The following SCAMP3 variants were observed in gnomAD, a reference collection of about 807,000 sequenced individuals.
SCAMP3 encodes the protein secretory carrier membrane protein 3.
In SCAMP3, 30 loss-of-function variants were observed where a neutral mutation model predicts 44.1. That is an observed-to-expected ratio of 0.68 (90% confidence interval 0.51 to 0.92). The LOEUF (loss-of-function observed/expected upper bound fraction) is 0.92. Among genes scored for constraint, SCAMP3 ranks in the 40% least tolerant of loss-of-function variants. The pLI is 0.00. For missense variants in SCAMP3, 394 were observed against 440.0 expected (o/e 0.90, Z 0.93); for synonymous variants, 168 against 171.1 (o/e 0.98, Z 0.14).
chr1:155,259,844 A>G (rs1410985163), intron 4 of SCAMP3, among the ~76,000 whole-genome samples: 2 of 152,206 alleles, frequency 1.3e-5, no homozygotes, highest in African/African-American at 2.4e-5. Flanking sequence ...CATTTTATAA[A>G]TAGGGAAACT....
intron 4 of SCAMP3, among the ~76,000 whole-genome samples, chr1:155,259,181 T>C (rs1429125755): frequency 6.8e-6 from 1 of 147,970 alleles, no homozygotes; most frequent in East Asian, 2.0e-4. Flanking sequence ...TTTTTTTTTT[T>C]TTTTTCTCCT....
rs1572006929 is a variant in SCAMP3, at chr1:155,261,706, C to T, written c.95G>A (p.Ser32Asn). ...GACGTCAAGCGTGGCATACTGCCGG[C>T]TGGGTCGGTGCTGGATCACAGCTGG... is the stretch of plus-strand genomic sequence containing the variant. ...QDPAVIQHRP[S>N]RQYATLDVYN... Residue 32 changes from serine (S) to asparagine (N), a missense_variant, in exon 2 of 9, where the codon AGC becomes AAC. Ser to Asn is a conservative substitution (Grantham distance 46). Coordinates refer to ENST00000302631, the MANE Select transcript of SCAMP3 (RefSeq NM_005698.4). 1.2e-6 allele frequency: 2 copies of T among 1,614,126 alleles called. No individual in the cohort carries two copies. The highest frequency in any genetic ancestry group is 1.7e-6 in the Non-Finnish European group (2 of 1,180,042).
In SCAMP3 at chr1:155,260,624, T is replaced by C; in HGVS notation, c.180A>G (p.Pro60=). The C allele has an allele frequency of 7.4e-6, 12 of 1,613,732 alleles. No homozygotes were observed. The highest frequency in any genetic ancestry group is 1.0e-5 in the Non-Finnish European group (12 of 1,179,862). The change falls in exon 3 of 9, where the codon CCA becomes CCG. Residue 60 remains proline, a synonymous_variant. Coordinates refer to ENST00000302631, the MANE Select transcript of SCAMP3 (RefSeq NM_005698.4). ...PPAYEPPAPA[P]LPPPSAPSLQ... is the part of the protein sequence containing the mutation. ...AGGAGGGAGCTGAGGGTGGAGGCAA[T>C]GGGGCAGGGGCTGGAGGCTCATAGG...
At position 155,261,643 on chromosome 1, in the gene SCAMP3, C is replaced by T. The variant is rs755089871; in HGVS notation, c.144+14G>A. The stretch of plus-strand genomic sequence containing the variant: ...CTTCCCTTCCTTGAACTCCTATGCT[C>T]TCCAGTAGCTCACCTCCCGGGTCTC... On this transcript the variant is annotated intron_variant, in intron 2 of 8. Coordinates refer to ENST00000302631, the MANE Select transcript of SCAMP3 (RefSeq NM_005698.4). 1.1e-5 allele frequency: 17 copies of T among 1,611,630 alleles called. No homozygotes were observed. Among genetic ancestry groups the T allele is most frequent in the African/African-American group, 1.3e-5 (1 of 74,872 alleles).
chr1:155,258,000 A>G (rs1253213889), intron 5 of SCAMP3, among the ~76,000 whole-genome samples: 1 of 141,816 alleles, frequency 7.1e-6, no homozygotes, highest in Non-Finnish European at 1.5e-5. Flanking sequence ...GCCCGCCACC[A>G]CGCCCAGCTA....
chr1:155,260,721 C>T, intron 2 of SCAMP3, 62 bp from the exon 3 acceptor site: 1 of 1,430,830 alleles, frequency 7.0e-7, no homozygotes, highest in South Asian at 1.3e-5. Flanking sequence ...CTAGAGTCTG[C>T]TTGAATACCT....
intron 5 of SCAMP3, among the ~76,000 whole-genome samples, chr1:155,258,318 CTTTTTTTTTTTTTTT>C (rs71996352): frequency 5.9e-4 from 51 of 86,592 alleles, no homozygotes; most frequent in Non-Finnish European, 1.0e-3. Flanking sequence ...CGTGCCCGGC[CTTTTTTTTTTTTTTT>C]TTTTTTTTTT....
chr1:155,258,974 A>T lies in SCAMP3; in HGVS notation c.389-20T>A. On this transcript the variant is annotated intron_variant, in intron 4 of 8. Coordinates refer to ENST00000302631, the MANE Select transcript of SCAMP3 (RefSeq NM_005698.4). ...GTCGAGCTGTAAGGCACAAAAAAAC[A>T]GGTGGACCCCAGAAGTAAAACAGAG... 1.9e-6 allele frequency: 3 copies of T among 1,604,672 alleles called. No homozygotes were observed. The highest frequency in any genetic ancestry group is 2.6e-6 in the Non-Finnish European group (3 of 1,176,240).
At chr1:155,261,317 C>T in intron 2 of SCAMP3, 1 of 311,732 alleles carries the variant, frequency 3.2e-6, no homozygotes, top group Non-Finnish European at 6.1e-6. Context: ...TGTAGTCCTC[C>T]TCATTCCTTG....
In SCAMP3 at chr1:155,256,785, C is replaced by A. The variant is rs201613533; in HGVS notation, c.786G>T (p.Trp262Cys). The A allele has an allele frequency of 2.5e-6, 4 of 1,613,836 alleles. No individual in the cohort carries two copies. Among genetic ancestry groups the A allele is most frequent in the Non-Finnish European group, 3.4e-6 (4 of 1,179,714 alleles). The change falls in exon 8 of 9, where the codon TGG (tryptophan) becomes TGT (cysteine). Residue 262 changes from tryptophan to cysteine, a missense_variant. Physicochemically the swap from Trp to Cys is radical, Grantham distance 215. Transcript: ENST00000302631. ...CCTTCGGCACCACCAGAGCAGAGAT[C>A]CAGCCACTGTAAAGGGAAGGATGTA... ...IGIPGWGFSG[W>C]ISALVVPKGN...
chr1:155,257,415 G>A lies in SCAMP3; in HGVS notation c.678-29C>T, dbSNP rs767592942. ...CAAAGAGGAAAAAAATGGGGAGGGT[G>A]GGAGAAGAATTAGAGCTGAAGGATG... On this transcript the variant is annotated intron_variant, in intron 6 of 8. Coordinates refer to ENST00000302631, the MANE Select transcript of SCAMP3 (RefSeq NM_005698.4). 51 of 1,607,526 alleles carry A rather than the reference G, an allele frequency of 3.2e-5. No homozygotes were observed. The Admixed American group carries it at 8.3e-4, about 26-fold the overall frequency.
intron 4 of SCAMP3, 90 bp from the exon 5 acceptor site, chr1:155,259,044 CTCTTTTT>C: frequency 2.6e-6 from 2 of 759,648 alleles, no homozygotes; most frequent in Non-Finnish European, 3.8e-6. Context: ...CCTGGATCCT[CTCTTTTT>C]TTTTTTTTTT....
At chr1:155,258,093 A>G (rs559033067) in intron 5 of SCAMP3, among the ~76,000 whole-genome samples, 47 of 141,264 alleles carry the variant, frequency 3.3e-4, no homozygotes, top group African/African-American at 1.1e-3. Context: ...ATCTCGGCTC[A>G]CTGCAAGCTC....
rs1672991329 is a variant in SCAMP3, at chr1:155,262,306, C to T, written c.-155G>A. ...CACCGACCGGAAGGGCCACAAGGAT[C>T]CCCGCAGCAGCCGTGGGTTGCGCCT... On this transcript the variant is annotated 5_prime_UTR_variant, in exon 1 of 9. Transcript: ENST00000302631. 3.0e-6 allele frequency: 2 copies of T among 672,796 alleles called. No individual in the cohort carries two copies. The highest frequency in any genetic ancestry group is 1.8e-5 in the African/African-American group (1 of 55,080). The allele number at this position is 672,796 out of a possible 1,614,324, so 41.7% of individuals were successfully genotyped here. A position where few individuals can be genotyped will look rare whatever the true frequency, so the allele number is the denominator to read the frequency against.
chr1:155,258,986 G>A, intron 4 of SCAMP3, 32 bp from the exon 5 acceptor site: 1 of 1,577,160 alleles, frequency 6.3e-7, no homozygotes, highest in Admixed American at 1.8e-5. Flanking sequence ...GTGGACCCCA[G>A]AAGTAAAACA....
chr1:155,256,522 A>G (rs1048492184), intron 8 of SCAMP3, 103 bp from the exon 9 acceptor site: 3 of 1,414,762 alleles, frequency 2.1e-6, no homozygotes, highest in Non-Finnish European at 3.0e-6. Context: ...CCCAGCACAC[A>G]CACTCACACA....
chr1:155,258,275 T>TCCCAAA (rs1279794050), intron 5 of SCAMP3, among the ~76,000 whole-genome samples: 1 of 141,076 alleles, frequency 7.1e-6, no homozygotes, highest in Non-Finnish European at 1.5e-5. Flanking sequence ...CACCTGGGCC[T>TCCCAAA]CCCAAAGTGC....
intron 4 of SCAMP3, 51 bp from the exon 5 acceptor site, chr1:155,259,005 C>A (rs1035647954): frequency 1.4e-5 from 21 of 1,454,922 alleles, no homozygotes; most frequent in Non-Finnish European, 1.8e-5. Flanking sequence ...CAGAGACCAA[C>A]AAAGGAATCA....
At chr1:155,261,916 G>A (rs1005195769) in intron 1 of SCAMP3, 170 bp downstream of exon 1, 13 of 810,780 alleles carry the variant, frequency 1.6e-5, no homozygotes, top group East Asian at 5.3e-5. Context: ...AGCCCATTAA[G>A]GGGCAGGGCC....
Sources: allele counts gnomAD v4.1 joint callset (sites outside exome capture counted in the v4.1 genomes callset), GRCh38; gene constraint gnomAD v4.1.1; transcripts MANE v1.5; gene names NCBI Gene and HGNC (gene_info 2026-07-23, HGNC 2026-07-21).